The following RGL1 variants were observed in gnomAD, a reference collection of about 807,000 sequenced individuals.
RGL1 encodes ral guanine nucleotide dissociation stimulator-like 1.
RGL1 carries 24 observed loss-of-function variants against 95.2 expected under a neutral mutation model. That is an observed-to-expected ratio of 0.25 (90% CI 0.18 to 0.35). The LOEUF is 0.35. Among genes scored for constraint, RGL1 ranks in the 10% least tolerant of loss-of-function variants. RGL1 has a pLI of 1.00. For missense variants in RGL1, 715 were observed against 936.3 expected, an observed-to-expected ratio of 0.76 and a Z score of 3.08; for synonymous variants, 329 against 344.9, an observed-to-expected ratio of 0.95 and a Z score of 0.51.
At chr1:183,792,291 G>T (rs776504060) in intron 2 of RGL1, among the ~76,000 whole-genome samples, 17 of 151,904 alleles carry the variant, frequency 1.1e-4, no homozygotes, top group Non-Finnish European at 2.5e-4. Flanking sequence ...TCAAAACCCT[G>T]ATATTGCCTC....
chr1:183,778,274 A>C (rs1216431632), intron 2 of RGL1, among the ~76,000 whole-genome samples: 2 of 152,330 alleles, frequency 1.3e-5, no homozygotes, highest in East Asian at 3.9e-4. Context: ...GGTTATTGGC[A>C]GCGCTTGTGT....
intron 2 of RGL1, among the ~76,000 whole-genome samples, chr1:183,771,948 C>T (rs976633352): frequency 6.6e-6 from 1 of 152,130 alleles, no homozygotes; most frequent in Admixed American, 6.5e-5. Flanking sequence ...AACACGCCGG[C>T]GGAAGAGCAT....
Position 183,928,173 on chromosome 1 carries a change from AAAAT to A in RGL1, c.*1889_*1892del, listed in dbSNP as rs1180309108. Reference sequence around the variant, plus strand: ...TTCTTGGTGCGAAGGTAAAAAAAAAAAAATAAATAAAACCATTGGCCTGGTTGAG... The same window carrying A: ...TTCTTGGTGCGAAGGTAAAAAAAAAAAAATAAAACCATTGGCCTGGTTGAG... On this transcript the variant is annotated 3_prime_UTR_variant, in exon 18 of 18. Coordinates refer to ENST00000360851, the MANE Select transcript of RGL1 (RefSeq NM_001297671.3). The A allele has an allele frequency of 3.9e-5, 6 of 152,314 alleles. No individual in the cohort carries two copies. The highest frequency in any genetic ancestry group is 2.1e-4 in the South Asian group (1 of 4,806). The allele number at this position is 152,314 out of a possible 1,614,324, so 9.4% of individuals were successfully genotyped here.
intron 5 of RGL1, among the ~76,000 whole-genome samples, chr1:183,882,474 A>G (rs959878312): frequency 3.3e-5 from 5 of 152,246 alleles, no homozygotes; most frequent in Admixed American, 6.5e-5. Flanking sequence ...TAAATTAAAC[A>G]GTGCCAGAGT....
intron 9 of RGL1, among the ~76,000 whole-genome samples, chr1:183,897,433 C>T (rs1294238710): frequency 6.6e-6 from 1 of 152,030 alleles, no homozygotes; most frequent in Admixed American, 6.5e-5. Context: ...CCTCTAATCC[C>T]AGCTACTCGG....
chr1:183,661,351 C>T (rs547549772), intron 1 of RGL1, among the ~76,000 whole-genome samples: 23 of 152,064 alleles, frequency 1.5e-4, no homozygotes, highest in Admixed American at 6.6e-4. Flanking sequence ...ATCAAATAGA[C>T]GCAATAAAAA....
intron 16 of RGL1, among the ~76,000 whole-genome samples, chr1:183,919,210 A>C (rs995769366): frequency 6.6e-6 from 1 of 152,182 alleles, no homozygotes; most frequent in Admixed American, 6.5e-5. Context: ...TTTTTCCAAA[A>C]ATTATTGAGT....
upstream of RGL1, among the ~76,000 whole-genome samples, chr1:183,802,265 C>G (rs1558214750): frequency 6.6e-6 from 1 of 152,104 alleles, no homozygotes; most frequent in Admixed American, 6.5e-5. Context: ...GGGTTTATTT[C>G]TGGGCTTTCT....
At chr1:183,775,262 A>G (rs560611740) in intron 2 of RGL1, among the ~76,000 whole-genome samples, 2 of 152,298 alleles carry the variant, frequency 1.3e-5, no homozygotes, top group African/African-American at 4.8e-5. Context: ...TATTTCTTCT[A>G]TATGCCTTAA....
intron 2 of RGL1, among the ~76,000 whole-genome samples, chr1:183,814,377 G>C (rs1328242008): frequency 2.0e-5 from 3 of 152,054 alleles, no homozygotes; most frequent in African/African-American, 7.3e-5. Context: ...GACTTCTGAG[G>C]ATAACAGTGG....
chr1:183,833,898 AG>A (rs1663441303), intron 2 of RGL1, among the ~76,000 whole-genome samples: 1 of 150,916 alleles, frequency 6.6e-6, no homozygotes, highest in Non-Finnish European at 1.5e-5. Flanking sequence ...GATTAGAAAG[AG>A]TTGCTCCCCC....
At chr1:183,781,429 G>A (rs1659898427) in intron 2 of RGL1, among the ~76,000 whole-genome samples, 1 of 152,218 alleles carries the variant, frequency 6.6e-6, no homozygotes, top group South Asian at 2.1e-4. Context: ...CATTAAAATA[G>A]TTATGGAATA....
chr1:183,799,013 C>CT (rs1323187875), intron 2 of RGL1, among the ~76,000 whole-genome samples: 2 of 151,620 alleles, frequency 1.3e-5, no homozygotes, highest in African/African-American at 2.4e-5. Context: ...TGCCATTCTC[C>CT]TGCCTCAGCC....
At chr1:183,703,306 G>A (rs1381050271) in intron 1 of RGL1, among the ~76,000 whole-genome samples, 3 of 152,198 alleles carry the variant, frequency 2.0e-5, no homozygotes, top group Admixed American at 1.3e-4. Context: ...TGAGAGATGG[G>A]TTGGTATTCA....
In RGL1 at chr1:183,714,227, C is replaced by T. The variant is rs535672540; in HGVS notation, c.-32-27899C>T. Among the ~76,000 whole-genome samples the T allele has an allele frequency of 1.9e-3, 296 of 152,160 alleles. 1 individual carries two copies. The highest frequency in any genetic ancestry group is 2.0e-3 in the Non-Finnish European group (133 of 68,000). On this transcript the variant is annotated intron_variant, in intron 1 of 18. Transcript: ENST00000304685. ...GATGCCCCTGTGATGTTAACTTAACCCTACTACTGGGTTTTCCATTTTTTT... is the reference window on the plus strand; with the variant it reads ...GATGCCCCTGTGATGTTAACTTAACTCTACTACTGGGTTTTCCATTTTTTT...
intron 2 of RGL1, among the ~76,000 whole-genome samples, chr1:183,809,713 G>T (rs751048123): frequency 1.7e-4 from 26 of 152,142 alleles, no homozygotes; most frequent in Non-Finnish European, 3.4e-4. Flanking sequence ...GAGAGGCCAA[G>T]GCAGGCTAAT....
intron 2 of RGL1, among the ~76,000 whole-genome samples, chr1:183,742,961 G>A (rs1405007222): frequency 1.3e-5 from 2 of 152,110 alleles, no homozygotes; most frequent in Non-Finnish European, 2.9e-5. Context: ...CTGAGCTTGG[G>A]TTGTGACCAT....
chr1:183,915,823 G>C (rs560718926), intron 15 of RGL1, among the ~76,000 whole-genome samples: 2 of 152,210 alleles, frequency 1.3e-5, no homozygotes, highest in African/African-American at 4.8e-5. Flanking sequence ...CTCGACAGTG[G>C]GAATCAGGGA....
chr1:183,845,415 A>T (rs1664354589), intron 2 of RGL1, among the ~76,000 whole-genome samples: 1 of 152,180 alleles, frequency 6.6e-6, no homozygotes, highest in African/African-American at 2.4e-5. Context: ...TTATACTCAA[A>T]TTTTAAGCTG....
Sources: allele counts gnomAD v4.1 joint callset (sites outside exome capture counted in the v4.1 genomes callset), GRCh38; gene constraint gnomAD v4.1.1; transcripts MANE v1.5; gene names NCBI Gene and HGNC (gene_info 2026-07-23, HGNC 2026-07-21).